Variants in C11orf16 observed in about 807,000 individuals in gnomAD.
The protein encoded by C11orf16 is chromosome 11 open reading frame 16.
In C11orf16, 38 loss-of-function variants were observed where a neutral mutation model predicts 45.1. The ratio of observed to expected loss-of-function variants is 0.84; its 90% CI spans 0.65 to 1.10. The LOEUF (loss-of-function observed/expected upper bound fraction) is 1.10, where lower values mean the gene tolerates loss of function less well. Ranked by LOEUF, C11orf16 falls within the 50% of genes least tolerant of loss-of-function variation. The probability of loss-of-function intolerance (pLI) is 0.00; values close to 1 mark genes in which losing one functional copy is unlikely to be tolerated. For missense variants in C11orf16, 583 were observed against 569.5 expected, an observed-to-expected ratio of 1.02 and a Z score of -0.24; for synonymous variants, 221 against 222.0, an observed-to-expected ratio of 1.00 and a Z score of 0.04.
intron 6 of C11orf16, among the ~76,000 whole-genome samples, chr11:8,920,999 T>C (rs554578342): frequency 6.6e-6 from 1 of 152,104 alleles, no homozygotes; most frequent in African/African-American, 2.4e-5. Context: ...GGCTATATTA[T>C]CATTCTTAGT....
intron 2 of C11orf16, among the ~76,000 whole-genome samples, chr11:8,931,194 T>C (rs535776551): frequency 2.0e-5 from 3 of 150,608 alleles, no homozygotes; most frequent in Middle Eastern, 3.2e-3. Context: ...TCTCATATGG[T>C]GGCTGAGCAA....
rs762435576 is a variant in C11orf16, at chr11:8,932,287, T to C, written c.22A>G (p.Arg8Gly). The C allele has an allele frequency of 1.2e-6, 2 of 1,607,944 alleles. No homozygotes were observed. The highest frequency in any genetic ancestry group is 1.7e-6 in the Non-Finnish European group (2 of 1,177,392). MESSTGPRMPLLKYCSVA... is the reference protein window; with the variant it reads MESSTGPGMPLLKYCSVA... ...CTGCAGTATTTGAGCAAAGGCATCC[T>C]GGGCCCCGTGGAGGATTCCATGGCC... The change falls in exon 2 of 7, where the codon AGG becomes GGG. Residue 8 changes from arginine (R) to glycine (G), a missense_variant. Physicochemically the swap from Arg to Gly is moderately radical, Grantham distance 125. Coordinates refer to ENST00000326053, the MANE Select transcript of C11orf16 (RefSeq NM_020643.3).
At chr11:8,926,177 T>C (rs1240798956) in intron 4 of C11orf16, 70 bp from the exon 5 acceptor site, 15 of 1,341,684 alleles carry the variant, frequency 1.1e-5, no homozygotes, top group South Asian at 1.1e-4. Flanking sequence ...TTTTTCTTTT[T>C]TTCTTTTCTT....
intron 4 of C11orf16, 43 bp from the exon 5 acceptor site, chr11:8,926,150 T>C: frequency 6.8e-7 from 1 of 1,472,060 alleles, no homozygotes; most frequent in Non-Finnish European, 9.1e-7. Flanking sequence ...AATTACCAAT[T>C]ATCTCCTTTT....
chr11:8,922,248 C>G (rs963365087), intron 5 of C11orf16, among the ~76,000 whole-genome samples: 1 of 152,056 alleles, frequency 6.6e-6, no homozygotes, highest in African/African-American at 2.4e-5. Flanking sequence ...TGGTGCACAC[C>G]TGTAGTCCCG....
chr11:8,925,419 C>T lies in C11orf16; in HGVS notation c.1204+44G>A, dbSNP rs575490488. Reference sequence around the variant, plus strand: ...CATGTGGGAGGGAAGGGAGGCGGGGCCCCAGCCCCTGCCTTAGAAAGCAAG... The same window carrying T: ...CATGTGGGAGGGAAGGGAGGCGGGGTCCCAGCCCCTGCCTTAGAAAGCAAG... On this transcript the variant is annotated intron_variant, in intron 5 of 6. Coordinates refer to ENST00000326053, the MANE Select transcript of C11orf16 (RefSeq NM_020643.3). 13 of 1,567,252 alleles carry T rather than the reference C, an allele frequency of 8.3e-6. No individual in the cohort carries two copies. The African/African-American group carries it at 1.5e-4, about 18-fold the overall frequency.
chr11:8,932,340 C>T lies in C11orf16; in HGVS notation c.-18-14G>A. 2 of 1,546,534 alleles carry T rather than the reference C, an allele frequency of 1.3e-6. No individual in the cohort carries two copies. The highest frequency in any genetic ancestry group is 1.8e-4 in the Middle Eastern group (1 of 5,696). ...CAGAGGATCCACCTGAGAATAGGCA[C>T]CACCATTACCTGAGCTGCAGCTTGA... On this transcript the variant is annotated splice_polypyrimidine_tract_variant and intron_variant, in intron 1 of 6. Coordinates refer to ENST00000326053, the MANE Select transcript of C11orf16 (RefSeq NM_020643.3).
chr11:8,931,706 T>G (rs2064651288), intron 2 of C11orf16, among the ~76,000 whole-genome samples: 1 of 152,034 alleles, frequency 6.6e-6, no homozygotes, highest in South Asian at 2.1e-4. Flanking sequence ...TTGTGTGTTT[T>G]TAGTAGATGG....
chr11:8,928,888 G>A (rs1290571478), intron 3 of C11orf16: 1 of 154,190 alleles, frequency 6.5e-6, no homozygotes, highest in East Asian at 1.9e-4. Flanking sequence ...TTAAGATGAG[G>A]ACTGAATATG....
intron 5 of C11orf16, among the ~76,000 whole-genome samples, chr11:8,923,140 G>A (rs1233189115): frequency 6.6e-6 from 1 of 152,210 alleles, no homozygotes; most frequent in Non-Finnish European, 1.5e-5. Flanking sequence ...TTTAAATGTG[G>A]TGATGGAGAG....
At chr11:8,927,910 CTTTT>C (rs970133150) in intron 3 of C11orf16, among the ~76,000 whole-genome samples, 17 of 152,070 alleles carry the variant, frequency 1.1e-4, no homozygotes, top group African/African-American at 3.6e-4. Context: ...TGAAAATTGA[CTTTT>C]TTTTGTTTTT....
Position 8,929,633 on chromosome 11 carries a change from T to A in C11orf16, c.168-100A>T, listed in dbSNP as rs528161595. 37 of 1,127,240 alleles carry A rather than the reference T, an allele frequency of 3.3e-5. No homozygotes were observed. The African/African-American group carries it at 5.8e-4, about 18-fold the overall frequency. 69.8% of individuals were successfully genotyped at this position (1,127,240 alleles called of 1,614,324 possible). On this transcript the variant is annotated intron_variant, in intron 2 of 6. Coordinates refer to ENST00000326053, the MANE Select transcript of C11orf16 (RefSeq NM_020643.3). ...TACATCTGAGGTACACCACAGCACA[T>A]GAGGCATGCGGAACAGAAATCCATA...
intron 5 of C11orf16, among the ~76,000 whole-genome samples, chr11:8,923,622 T>TC (rs1439121168): frequency 6.6e-6 from 1 of 152,192 alleles, no homozygotes; most frequent in African/African-American, 2.4e-5. Flanking sequence ...TTCTTTCTTT[T>TC]CTTTTTTTTT....
intron 6 of C11orf16, among the ~76,000 whole-genome samples, chr11:8,920,924 T>C (rs2064567971): frequency 6.6e-6 from 1 of 152,216 alleles, no homozygotes; most frequent in Non-Finnish European, 1.5e-5. Flanking sequence ...TCTCTCATTT[T>C]GAACACAAAC....
intron 2 of C11orf16, among the ~76,000 whole-genome samples, chr11:8,930,111 C>A (rs967853539): frequency 9.4e-5 from 14 of 148,594 alleles, no homozygotes; most frequent in African/African-American, 3.5e-4. Context: ...CAAGGTGAGA[C>A]CCCTATCAAA....
At chr11:8,922,237 T>C (rs2064580286) in intron 5 of C11orf16, among the ~76,000 whole-genome samples, 1 of 151,922 alleles carries the variant, frequency 6.6e-6, no homozygotes, top group Non-Finnish European at 1.5e-5. Flanking sequence ...ACTGGGTGCA[T>C]TGGTGCACAC....
intron 2 of C11orf16, among the ~76,000 whole-genome samples, chr11:8,931,383 C>T (rs186650605): frequency 2.1e-3 from 323 of 152,008 alleles, no homozygotes; most frequent in Admixed American, 3.2e-3. Flanking sequence ...GCCACCACGC[C>T]CAGCTAATTA....
intron 4 of C11orf16, 86 bp from the exon 5 acceptor site, chr11:8,926,193 T>G (rs2064612140): frequency 7.9e-7 from 1 of 1,269,226 alleles, no homozygotes; most frequent in African/African-American, 1.6e-5. Context: ...TTCTTTTTTT[T>G]TTTTTTTTTT....
Position 8,932,211 on chromosome 11 carries a change from C to G in C11orf16, c.98G>C (p.Trp33Ser). Reference sequence around the variant, plus strand: ...AAAGGGGTAGGTGAAGGAGAGGTCCCAAGGTGGAGCAGCACCGTCCCAGCC... The same window carrying G: ...AAAGGGGTAGGTGAAGGAGAGGTCCGAAGGTGGAGCAGCACCGTCCCAGCC... ...APGWDGAAPP[W>S]DLSFTYPFAL... The change falls in exon 2 of 7, where the codon TGG (tryptophan) becomes TCG (serine). Residue 33 changes from tryptophan (W) to serine (S), a missense_variant. By Grantham distance (177) the Trp-to-Ser change is radical. Transcript: ENST00000326053. 6.2e-7 allele frequency: 1 copy of G among 1,600,840 alleles called. No individual in the cohort carries two copies. Among genetic ancestry groups the G allele is most frequent in the Non-Finnish European group, 8.5e-7 (1 of 1,174,096 alleles).
Sources: gnomAD v4.1 joint callset for allele counts (sites outside exome capture counted in the v4.1 genomes callset) on GRCh38, gnomAD v4.1.1 for gene constraint, MANE v1.5 for transcripts, NCBI Gene and HGNC (gene_info 2026-07-23, HGNC 2026-07-21) for gene names.